Variants in PHACTR2 observed in about 807,000 individuals in gnomAD.
PHACTR2 encodes chromosome 6 open reading frame 56.
A neutral mutation model predicts 76.0 loss-of-function variants in PHACTR2; 30 were observed. That is an observed-to-expected ratio of 0.39 (90% CI 0.30 to 0.54). PHACTR2 has a LOEUF of 0.54. Among genes scored for constraint, PHACTR2 ranks in the 20% least tolerant of loss-of-function variants. The pLI is 0.61. For synonymous variants in PHACTR2, 292 were observed against 292.5 expected, an observed-to-expected ratio of 1.00 and a Z score of 0.02; for missense variants, 696 against 781.1, an observed-to-expected ratio of 0.89 and a Z score of 1.30.
Position 143,764,063 on chromosome 6 carries a change from G to A in PHACTR2, c.695-1198G>A, listed in dbSNP as rs986769810. Among the ~76,000 whole-genome samples the A allele has an allele frequency of 6.6e-6, 1 of 152,206 alleles. No individual in the cohort carries two copies. The highest frequency in any genetic ancestry group is 2.4e-5 in the African/African-American group (1 of 41,458). ...TAGTTAATCTTTTTGTTTTGAAACTGTTTTGATTGAGGGTGCCCTATCCGG... is the reference window on the plus strand; with the variant it reads ...TAGTTAATCTTTTTGTTTTGAAACTATTTTGATTGAGGGTGCCCTATCCGG... On this transcript the variant is annotated intron_variant, in intron 5 of 12. Coordinates refer to ENST00000440869, the MANE Select transcript of PHACTR2 (RefSeq NM_001100164.2). The surrounding 1 kb of genome is among the most constrained non-coding windows in gnomAD (Gnocchi z 4.7).
At chr6:143,657,156 C>T (rs962630054) in intron 1 of PHACTR2, among the ~76,000 whole-genome samples, 11 of 151,946 alleles carry the variant, frequency 7.2e-5, no homozygotes, top group South Asian at 2.1e-4. Flanking sequence ...ACCTAGATGA[C>T]GGGTTGATAG....
Position 143,813,054 on chromosome 6 carries a change from G to T in PHACTR2, c.1922+5921G>T, listed in dbSNP as rs545401792. 2.4e-3 allele frequency among the ~76,000 whole-genome samples: 359 copies of T among 152,288 alleles called. 1 individual carries two copies. The highest frequency in any genetic ancestry group is 8.2e-3 in the Admixed American group (125 of 15,306). ...TTCCCAACAGAGAAAGTGTTAACAT[G>T]TATCAGATTTGTTATCAAGAGAGAA... is the stretch of plus-strand genomic sequence containing the variant. On this transcript the variant is annotated intron_variant, in intron 12 of 12. Coordinates refer to ENST00000440869, the MANE Select transcript of PHACTR2 (RefSeq NM_001100164.2).
chr6:143,778,349 G>A (rs1775335111), intron 9 of PHACTR2, among the ~76,000 whole-genome samples: 1 of 152,068 alleles, frequency 6.6e-6, no homozygotes. Flanking sequence ...GATTTTAGTA[G>A]CATATTGTAT....
rs1157936397 is a variant in PHACTR2 at position 143,733,349 on chromosome 6, T to C, written c.215-15636T>C. ...GAACAGGGATTTTTGTTTTCTTCTTTGGTGAGATCTCAAAGAAACTTGTAT... is the reference window on the plus strand; with the variant it reads ...GAACAGGGATTTTTGTTTTCTTCTTCGGTGAGATCTCAAAGAAACTTGTAT... On this transcript the variant is annotated intron_variant, in intron 2 of 12. Coordinates refer to ENST00000440869, the MANE Select transcript of PHACTR2 (RefSeq NM_001100164.2). The surrounding 1 kb of genome is among the most constrained non-coding windows in gnomAD (Gnocchi z 4.0). Among the ~76,000 whole-genome samples the C allele has an allele frequency of 6.6e-6, 1 of 152,234 alleles. No individual in the cohort carries two copies. Among genetic ancestry groups the C allele is most frequent in the Non-Finnish European group, 1.5e-5 (1 of 68,040 alleles).
At chr6:143,707,305 T>C (rs1386551511) in intron 1 of PHACTR2, among the ~76,000 whole-genome samples, 2 of 152,242 alleles carry the variant, frequency 1.3e-5, no homozygotes, top group Admixed American at 6.5e-5. Flanking sequence ...TGATTTCTCC[T>C]AGTTATTTTT....
chr6:143,596,375 C>A lies in PHACTR2; in HGVS notation c.217+59168C>A, dbSNP rs1034606037. 2.6e-5 allele frequency among the ~76,000 whole-genome samples: 4 copies of A among 152,036 alleles called. No individual in the cohort carries two copies. Among genetic ancestry groups the A allele is most frequent in the Non-Finnish European group, 5.9e-5 (4 of 68,018 alleles). ...GTGGTGATCTTGTTATTGAGGCTCA[C>A]ATTTACCTGAACTGCATTAAGAGAG... On this transcript the variant is annotated intron_variant, in intron 1 of 11. Transcript: ENST00000367584. This position sits in a 1 kb window ranked among gnomAD's most constrained non-coding sequence, Gnocchi z 4.6.
chr6:143,702,773 C>CTTTTTTTTTT (rs1190039194), intron 1 of PHACTR2, among the ~76,000 whole-genome samples: 13 of 100,132 alleles, frequency 1.3e-4, no homozygotes, highest in Admixed American at 3.5e-4. Flanking sequence ...ATATATACAA[C>CTTTTTTTTTT]TTTTTTTTTT....
Position 143,646,664 on chromosome 6 carries a change from T to G in PHACTR2, c.13+38342T>G, listed in dbSNP as rs1274823937. Among the ~76,000 whole-genome samples, 2 of 152,140 alleles carry G rather than the reference T, an allele frequency of 1.3e-5. No individual in the cohort carries two copies. The highest frequency in any genetic ancestry group is 2.9e-5 in the Non-Finnish European group (2 of 68,016). ...TTCTTGAAATGTCAAGAAGGGCAGG[T>G]GTACTCTGACCTCAGCTTTAAGTTT... On this transcript the variant is annotated intron_variant, in intron 1 of 11. Coordinates refer to the PHACTR2 transcript ENST00000305766. This position sits in a 1 kb window ranked among gnomAD's most constrained non-coding sequence, Gnocchi z 4.1.
rs750704423 is a variant in PHACTR2 at position 143,765,299 on chromosome 6, G to A, written c.733G>A (p.Ala245Thr). The change falls in exon 6 of 13, where the codon GCA becomes ACA. Residue 245 changes from alanine (A) to threonine (T), a missense_variant. By Grantham distance (58) the Ala-to-Thr change is moderately conservative (BLOSUM62 0). Transcript: ENST00000440869. The surrounding 1 kb of genome is among the most constrained non-coding windows in gnomAD (Gnocchi z 4.1). ...SHSKKTTGSK[A>T]SASPSTSSTS... ...TTCAAAAAAAACAACTGGCTCTAAA[G>A]CATCAGCTTCGCCATCCACTTCATC... is the stretch of plus-strand genomic sequence containing the variant. 5.6e-6 allele frequency: 9 copies of A among 1,613,968 alleles called. No individual in the cohort carries two copies. The highest frequency in any genetic ancestry group is 4.5e-5 in the East Asian group (2 of 44,894).
rs931112265 is a variant in PHACTR2 at position 143,793,667 on chromosome 6, G to A, written c.1845+4757G>A. On this transcript the variant is annotated intron_variant, in intron 11 of 12. Coordinates refer to ENST00000440869, the MANE Select transcript of PHACTR2 (RefSeq NM_001100164.2). The surrounding 1 kb of genome is among the most constrained non-coding windows in gnomAD (Gnocchi z 4.4). ...CATGCCTGTAATCCTAGCACTTTGG[G>A]AGGCCAAGGTTTCTTGAGCTCAAGA... is the stretch of plus-strand genomic sequence containing the variant. Among the ~76,000 whole-genome samples, 14 of 152,140 alleles carry A rather than the reference G, an allele frequency of 9.2e-5. No individual in the cohort carries two copies. Among genetic ancestry groups the A allele is most frequent in the African/African-American group, 2.9e-4 (12 of 41,424 alleles).
chr6:143,553,303 T>C lies in PHACTR2; in HGVS notation c.217+16096T>C, dbSNP rs138076671. 1.3e-5 allele frequency among the ~76,000 whole-genome samples: 2 copies of C among 152,376 alleles called. No homozygotes were observed. Among genetic ancestry groups the C allele is most frequent in the African/African-American group, 4.8e-5 (2 of 41,590 alleles). The stretch of plus-strand genomic sequence containing the variant: ...CTATAGAGAACTATTCAGTGTGAAC[T>C]GAACAACTTCAATTTGTACAGAAGT... On this transcript the variant is annotated intron_variant, in intron 1 of 11. Transcript: ENST00000367584. The surrounding 1 kb of genome is among the most constrained non-coding windows in gnomAD (Gnocchi z 4.2).
intron 1 of PHACTR2, among the ~76,000 whole-genome samples, chr6:143,551,891 C>CTTTT (rs1775100883): frequency 6.6e-6 from 1 of 152,076 alleles, no homozygotes. Context: ...ATAATGTGAC[C>CTTTT]ATTTATTATT....
rs746471348 is a variant in PHACTR2 at position 143,618,607 on chromosome 6, G to C, written c.13+10285G>C. On this transcript the variant is annotated intron_variant, in intron 1 of 11. Transcript: ENST00000305766. The surrounding 1 kb of genome is among the most constrained non-coding windows in gnomAD (Gnocchi z 5.2). The stretch of plus-strand genomic sequence containing the variant: ...CCACCAGGGACTGGCAGGGGAGGCT[G>C]GGGGGGGATAGGGGTTGAATGTTTC... Among the ~76,000 whole-genome samples the C allele has an allele frequency of 1.1e-4, 2 of 18,120 alleles. No homozygotes were observed. Among genetic ancestry groups the C allele is most frequent in the Admixed American group, 6.9e-4 (2 of 2,888 alleles). The allele number at this position is 18,120 out of a possible 152,430, so 11.9% of individuals were successfully genotyped here.
intron 1 of PHACTR2, among the ~76,000 whole-genome samples, chr6:143,692,268 T>C (rs1164967625): frequency 6.6e-6 from 1 of 152,206 alleles, no homozygotes; most frequent in African/African-American, 2.4e-5. Context: ...TAAAGGGATT[T>C]TGTGTTTTTC....
intron 4 of PHACTR2, among the ~76,000 whole-genome samples, chr6:143,759,620 C>A (rs373906575): frequency 1.4e-4 from 20 of 146,744 alleles, no homozygotes; most frequent in African/African-American, 4.8e-4. Flanking sequence ...GAGAGCGAGA[C>A]CCTATCTGAA....
chr6:143,600,627 C>T (rs1340043752), intron 1 of PHACTR2, among the ~76,000 whole-genome samples: 1 of 152,216 alleles, frequency 6.6e-6, no homozygotes, highest in African/African-American at 2.4e-5. Flanking sequence ...GCAGCCATCT[C>T]CTGGAATTTA....
chr6:143,727,400 A>T (rs1778597117), intron 2 of PHACTR2, among the ~76,000 whole-genome samples: 2 of 152,130 alleles, frequency 1.3e-5, no homozygotes, highest in South Asian at 4.1e-4. Flanking sequence ...GGCTATTGTT[A>T]ACAGTGCTAC....
upstream of PHACTR2, among the ~76,000 whole-genome samples, chr6:143,607,346 C>T (rs532085356): frequency 3.9e-4 from 59 of 152,332 alleles, no homozygotes; most frequent in African/African-American, 1.4e-3. Context: ...CTGATTTCTC[C>T]AGCACTGTGT....
At position 143,776,862 on chromosome 6, in the gene PHACTR2, A is replaced by G. The variant is rs557090675; in HGVS notation, c.1590-466A>G. ...ATTCCTTCTGTCTTGCTGCTCTCCC[A>G]TCCCCTAGATGGTCTCAGCTGCATG... On this transcript the variant is annotated intron_variant, in intron 8 of 12. Transcript: ENST00000440869. This position sits in a 1 kb window ranked among gnomAD's most constrained non-coding sequence, Gnocchi z 5.3. 2.0e-5 allele frequency among the ~76,000 whole-genome samples: 3 copies of G among 152,250 alleles called. No homozygotes were observed. The highest frequency in any genetic ancestry group is 7.2e-5 in the African/African-American group (3 of 41,562).
Sources: gnomAD v4.1 joint callset for allele counts (sites outside exome capture counted in the v4.1 genomes callset) on GRCh38, gnomAD v4.1.1 for gene constraint, Gnocchi (gnomAD v3.1) non-coding constraint, MANE v1.5 for transcripts, NCBI Gene and HGNC (gene_info 2026-07-23, HGNC 2026-07-21) for gene names.